Variants in GPBP1 observed in about 807,000 individuals in gnomAD.
GPBP1 encodes GC-rich promoter binding protein 1, also known as vasculin.
Under a neutral mutation model 56.5 loss-of-function variants are expected in GPBP1, and 13 were observed. The observed-to-expected ratio is 0.23, with a 90% CI of 0.15 to 0.37. GPBP1 has a LOEUF of 0.37. GPBP1 is among the 10% of genes least tolerant of loss of function. GPBP1 has a pLI of 1.00. For missense variants in GPBP1, 477 were observed against 572.3 expected, an observed-to-expected ratio of 0.83 and a Z score of 1.70; for synonymous variants, 204 against 188.9, an observed-to-expected ratio of 1.08 and a Z score of -0.66.
intron 5 of GPBP1, among the ~76,000 whole-genome samples, chr5:57,234,798 G>A (rs1322255781): frequency 6.6e-6 from 1 of 152,104 alleles, no homozygotes; most frequent in Non-Finnish European, 1.5e-5. Flanking sequence ...ATTCCCAGGT[G>A]ACAGCCAGCA....
In GPBP1 at chr5:57,263,587, ATTG is replaced by A. The variant is rs779055282; in HGVS notation, c.*841_*843del. 2.0e-5 allele frequency: 3 copies of A among 152,150 alleles called. No individual in the cohort carries two copies. The highest frequency in any genetic ancestry group is 4.8e-5 in the African/African-American group (2 of 41,434). 9.4% of individuals were successfully genotyped at this position (152,150 alleles called of 1,614,324 possible). ...GGAAAATAAACTGGATTTTCAGAAT[ATTG>A]TTGTTTTCTGTAGTGTTCAAGGTAT... On this transcript the variant is annotated 3_prime_UTR_variant, in exon 12 of 12. Transcript: ENST00000506184.
At chr5:57,206,654 G>A (rs376580522) in intron 2 of GPBP1, among the ~76,000 whole-genome samples, 2 of 152,182 alleles carry the variant, frequency 1.3e-5, no homozygotes, top group East Asian at 3.8e-4. Context: ...AATTACAGGC[G>A]TGAGCTACTG....
intron 10 of GPBP1, among the ~76,000 whole-genome samples, chr5:57,259,077 G>A (rs1230821055): frequency 2.3e-4 from 35 of 152,204 alleles, no homozygotes; most frequent in Non-Finnish European, 2.9e-5. Flanking sequence ...AGATTAAAGA[G>A]TAAAGATAGT....
At chr5:57,178,219 G>T (rs1753882090) in intron 2 of GPBP1, among the ~76,000 whole-genome samples, 1 of 152,094 alleles carries the variant, frequency 6.6e-6, no homozygotes, top group African/African-American at 2.4e-5. Context: ...CATTCTTCTA[G>T]AAAACTACAT....
intron 3 of GPBP1, among the ~76,000 whole-genome samples, chr5:57,227,940 A>G (rs1447836196): frequency 6.6e-6 from 1 of 152,216 alleles, no homozygotes; most frequent in Non-Finnish European, 1.5e-5. Flanking sequence ...ATTTATGAAC[A>G]GTAACTGTCC....
chr5:57,187,542 T>C (rs920691125), intron 2 of GPBP1, among the ~76,000 whole-genome samples: 5 of 152,162 alleles, frequency 3.3e-5, no homozygotes, highest in African/African-American at 9.7e-5. Context: ...AAGTTTGCTG[T>C]GAAGTTCTAT....
intron 3 of GPBP1, among the ~76,000 whole-genome samples, chr5:57,218,428 A>C (rs1396813995): frequency 6.6e-6 from 1 of 152,228 alleles, no homozygotes; most frequent in African/African-American, 2.4e-5. Context: ...TAAAGGATAC[A>C]GGTGAATAGA....
At chr5:57,203,943 T>C (rs1033107504) in intron 2 of GPBP1, among the ~76,000 whole-genome samples, 2 of 152,166 alleles carry the variant, frequency 1.3e-5, no homozygotes, top group Non-Finnish European at 2.9e-5. Flanking sequence ...GAGGCCATGT[T>C]CCTTAGACAG....
At chr5:57,190,346 AG>A (rs747730613) in intron 2 of GPBP1, among the ~76,000 whole-genome samples, 4 of 152,038 alleles carry the variant, frequency 2.6e-5, no homozygotes, top group African/African-American at 4.8e-5. Context: ...GCACTTTGGG[AG>A]GCCGAGGCAG....
intron 6 of GPBP1, among the ~76,000 whole-genome samples, chr5:57,238,037 A>G (rs1484634758): frequency 6.6e-6 from 1 of 152,184 alleles, no homozygotes; most frequent in African/African-American, 2.4e-5. Flanking sequence ...TGCAGCTTAT[A>G]TCTGTGACTT....
chr5:57,245,917 A>C (rs968947716), intron 6 of GPBP1: 1 of 155,488 alleles, frequency 6.4e-6, no homozygotes, highest in Non-Finnish European at 1.4e-5. Flanking sequence ...ATTCTCTTCA[A>C]ATGGGGAAGG....
At chr5:57,216,523 A>G (rs1162267103) in intron 3 of GPBP1, among the ~76,000 whole-genome samples, 2 of 152,130 alleles carry the variant, frequency 1.3e-5, no homozygotes, top group Non-Finnish European at 2.9e-5. Context: ...AGAATTCGAG[A>G]CCAGCCTAGC....
At chr5:57,185,916 A>G (rs1241585440) in intron 2 of GPBP1, among the ~76,000 whole-genome samples, 10 of 151,980 alleles carry the variant, frequency 6.6e-5, no homozygotes, top group Non-Finnish European at 2.9e-5. Flanking sequence ...CCCAGGAGGT[A>G]GAGGTTGCAG....
intron 2 of GPBP1, among the ~76,000 whole-genome samples, chr5:57,213,669 G>A (rs1755586876): frequency 6.6e-6 from 1 of 151,896 alleles, no homozygotes; most frequent in African/African-American, 2.4e-5. Context: ...TATTTTAGGT[G>A]GGCACAAGAC....
intron 3 of GPBP1, among the ~76,000 whole-genome samples, chr5:57,226,066 C>G (rs973301071): frequency 6.6e-6 from 1 of 152,182 alleles, no homozygotes; most frequent in Admixed American, 6.5e-5. Context: ...AACAACAGAT[C>G]TTGGAGTGAC....
intron 1 of GPBP1, among the ~76,000 whole-genome samples, chr5:57,174,611 T>C (rs1039107022): frequency 5.9e-5 from 9 of 152,242 alleles, no homozygotes; most frequent in Admixed American, 5.2e-4. Context: ...CGAGGCCGAG[T>C]TGTGGCCTTC....
chr5:57,215,449 C>G (rs2111771496), intron 3 of GPBP1, among the ~76,000 whole-genome samples: 1 of 152,316 alleles, frequency 6.6e-6, no homozygotes, highest in South Asian at 2.1e-4. Flanking sequence ...TCCATTAATT[C>G]CCAGCTGATT....
At chr5:57,197,235 C>T (rs932796759) in intron 2 of GPBP1, among the ~76,000 whole-genome samples, 5 of 152,026 alleles carry the variant, frequency 3.3e-5, no homozygotes, top group Non-Finnish European at 7.4e-5. Flanking sequence ...CAAGGCTTTC[C>T]TACACATTGT....
At chr5:57,219,423 A>AC (rs200698887) in intron 3 of GPBP1, among the ~76,000 whole-genome samples, 1,727 of 142,118 alleles carry the variant, frequency 0.012, 165 homozygotes, top group African/African-American at 0.047. Context: ...AACAAACAAA[A>AC]AAAAAAACAA....
Sources: gnomAD v4.1 joint callset for allele counts (sites outside exome capture counted in the v4.1 genomes callset) on GRCh38, gnomAD v4.1.1 for gene constraint, MANE v1.5 for transcripts, NCBI Gene and HGNC (gene_info 2026-07-23, HGNC 2026-07-21) for gene names.